PTPRD: variants seen among roughly 807,000 people sequenced by gnomAD.
PTPRD encodes protein tyrosine phosphatase receptor type D.
A neutral mutation model predicts 214.5 loss-of-function variants in PTPRD; 34 were observed. The ratio of observed to expected loss-of-function variants is 0.16; its 90% CI spans 0.12 to 0.21. The LOEUF (loss-of-function observed/expected upper bound fraction) is 0.21, where lower values mean the gene tolerates loss of function less well. Ranked by LOEUF, PTPRD falls within the 10% of genes least tolerant of loss-of-function variation. PTPRD has a pLI of 1.00. For synonymous variants in PTPRD, 1,128 were observed against 845.7 expected (o/e 1.33, Z -5.79); for missense variants, 2,545 against 2,398.7 (o/e 1.06, Z -1.27).
rs1263460359 is a variant in PTPRD at position 10,481,067 on chromosome 9, T to C, written c.-600+131331A>G. Among the ~76,000 whole-genome samples the C allele has an allele frequency of 3.3e-5, 5 of 151,986 alleles. 1 individual carries two copies. The East Asian group carries it at 5.8e-4, about 18-fold the overall frequency. On this transcript the variant is annotated intron_variant, in intron 2 of 45. Transcript: ENST00000381196. ...TTTTTTTAAACAGTTCTGTTTGTTA[T>C]AGATGATCATTAAAAATCTATCCTG...
Position 9,564,884 on chromosome 9 carries a change from G to GTTTTTTTTTTTTTT in PTPRD, c.-237+9834_-237+9847dup, listed in dbSNP as rs1191664969. Among the ~76,000 whole-genome samples the GTTTTTTTTTTTTTT allele has an allele frequency of 1.2e-4, 6 of 48,842 alleles. 2 individuals are homozygous for GTTTTTTTTTTTTTT. Among genetic ancestry groups the GTTTTTTTTTTTTTT allele is most frequent in the Admixed American group, 3.7e-4 (1 of 2,704 alleles). The allele number at this position is 48,842 out of a possible 152,430, so 32.0% of individuals were successfully genotyped here. A position where few individuals can be genotyped will look rare whatever the true frequency, so the allele number is the denominator to read the frequency against. On this transcript the variant is annotated intron_variant, in intron 8 of 45. Coordinates refer to ENST00000381196, the MANE Select transcript of PTPRD (RefSeq NM_002839.4). Reference sequence around the variant, plus strand: ...AACAAAAGAGAGACTTGAATCTTCTGTTTTTTTTTTTTTTTTTTTTTTTTT... The same window carrying GTTTTTTTTTTTTTT: ...AACAAAAGAGAGACTTGAATCTTCTGTTTTTTTTTTTTTTTTTTTTTTTTTTTTTTTTTTTTTTT...
At chr9:8,971,787 A>T (rs913642344) in intron 11 of PTPRD, among the ~76,000 whole-genome samples, 1 of 151,572 alleles carries the variant, frequency 6.6e-6, no homozygotes, top group Middle Eastern at 3.2e-3. Context: ...TCCTGATAAT[A>T]AATCTGAAAA....
At chr9:9,275,396 TCA>T (rs1184212226) in intron 9 of PTPRD, among the ~76,000 whole-genome samples, 1 of 149,720 alleles carries the variant, frequency 6.7e-6, no homozygotes, top group Non-Finnish European at 1.5e-5. Context: ...TCAAAATGGC[TCA>T]GAGTCACCTG....
chr9:8,951,161 G>GTGTGTGTGTA (rs1356654833), intron 11 of PTPRD, among the ~76,000 whole-genome samples: 6 of 150,288 alleles, frequency 4.0e-5, no homozygotes, highest in Admixed American at 6.7e-5. Flanking sequence ...GTGTGTGTAA[G>GTGTGTGTGTA]AGAGAGAGAG....
At chr9:9,518,681 T>G (rs1391946658) in intron 8 of PTPRD, among the ~76,000 whole-genome samples, 1 of 152,016 alleles carries the variant, frequency 6.6e-6, no homozygotes, top group African/African-American at 2.4e-5. Flanking sequence ...CACTTTAAAT[T>G]AAATATGACA....
chr9:9,195,063 T>C (rs1347262007), intron 9 of PTPRD, among the ~76,000 whole-genome samples: 1 of 145,292 alleles, frequency 6.9e-6, no homozygotes, highest in Non-Finnish European at 1.5e-5. Flanking sequence ...TACGAATACA[T>C]ATATACATAT....
chr9:8,727,689 C>G (rs1021873551), intron 12 of PTPRD, among the ~76,000 whole-genome samples: 2 of 152,074 alleles, frequency 1.3e-5, no homozygotes, highest in East Asian at 1.9e-4. Context: ...CAGAGTCTCT[C>G]TCTGTCACAC....
At chr9:8,856,910 C>T (rs1251933818) in intron 11 of PTPRD, among the ~76,000 whole-genome samples, 1 of 152,190 alleles carries the variant, frequency 6.6e-6, no homozygotes, top group Non-Finnish European at 1.5e-5. Flanking sequence ...TACACACCCA[C>T]ATAAAAGCTA....
At chr9:9,460,882 T>C (rs924548619) in intron 8 of PTPRD, among the ~76,000 whole-genome samples, 4 of 152,134 alleles carry the variant, frequency 2.6e-5, no homozygotes, top group Non-Finnish European at 2.9e-5. Flanking sequence ...CTTACGTTTA[T>C]TGCTGCACTA....
chr9:10,492,912 T>C (rs2040815772), intron 2 of PTPRD, among the ~76,000 whole-genome samples: 1 of 152,016 alleles, frequency 6.6e-6, no homozygotes, highest in South Asian at 2.1e-4. Flanking sequence ...GGTCTCAGGA[T>C]ACAAAATCAA....
At chr9:9,681,936 A>T (rs2097081979) in intron 7 of PTPRD, among the ~76,000 whole-genome samples, 1 of 151,846 alleles carries the variant, frequency 6.6e-6, no homozygotes, top group South Asian at 2.1e-4. Flanking sequence ...TGTTATATTT[A>T]TGTCTATTTC....
At chr9:10,108,773 TA>T (rs2098661222) in intron 3 of PTPRD, among the ~76,000 whole-genome samples, 1 of 152,052 alleles carries the variant, frequency 6.6e-6, no homozygotes, top group South Asian at 2.1e-4. Context: ...AAAGGGATAC[TA>T]TTCATCCTTA....
intron 3 of PTPRD, among the ~76,000 whole-genome samples, chr9:10,092,575 A>T (rs940789059): frequency 6.6e-6 from 1 of 151,496 alleles, no homozygotes; most frequent in South Asian, 2.1e-4. Flanking sequence ...CTTTCAAAAT[A>T]CAATGCCACT....
Position 9,351,834 on chromosome 9 carries a change from C to A in PTPRD, c.-203+45615G>T, listed in dbSNP as rs1200759295. On this transcript the variant is annotated intron_variant, in intron 9 of 45. Coordinates refer to ENST00000381196, the MANE Select transcript of PTPRD (RefSeq NM_002839.4). Reference sequence around the variant, plus strand: ...TCATTTTGGACTCATTGTTTAAACTCTCTGTGCCTCCATTTCTGTATCCGT... The same window carrying A: ...TCATTTTGGACTCATTGTTTAAACTATCTGTGCCTCCATTTCTGTATCCGT... 2.0e-5 allele frequency among the ~76,000 whole-genome samples: 3 copies of A among 152,154 alleles called. No individual in the cohort carries two copies. The East Asian group carries it at 5.8e-4, about 30-fold the overall frequency.
intron 11 of PTPRD, among the ~76,000 whole-genome samples, chr9:8,924,139 A>C (rs2098847441): frequency 1.3e-5 from 2 of 151,968 alleles, no homozygotes; most frequent in East Asian, 3.9e-4. Context: ...TAAATCCAGC[A>C]CTCACTCATC....
chr9:8,433,123 C>A lies in PTPRD; in HGVS notation c.4086+3469G>T, dbSNP rs183246616. ...TGCATAATGACATTTCAGTCCACAACAAACCACAAATAAGAGACTGATCCA... is the reference window on the plus strand; with the variant it reads ...TGCATAATGACATTTCAGTCCACAAAAAACCACAAATAAGAGACTGATCCA... On this transcript the variant is annotated intron_variant, in intron 35 of 45. Transcript: ENST00000381196. Among the ~76,000 whole-genome samples the A allele has an allele frequency of 2.9e-3, 443 of 152,248 alleles. 2 individuals carry two copies. Among genetic ancestry groups the A allele is most frequent in the African/African-American group, 9.7e-3 (404 of 41,562 alleles).
intron 9 of PTPRD, among the ~76,000 whole-genome samples, chr9:9,233,456 C>A (rs2099964461): frequency 6.6e-6 from 1 of 152,134 alleles, no homozygotes; most frequent in Non-Finnish European, 1.5e-5. Flanking sequence ...TGCCCCGGGC[C>A]ACTCCCTAAT....
chr9:10,429,171 C>T (rs950117042), intron 2 of PTPRD, among the ~76,000 whole-genome samples: 2 of 151,746 alleles, frequency 1.3e-5, no homozygotes, highest in African/African-American at 4.8e-5. Flanking sequence ...CCAAACTTAA[C>T]ACAGAACATT....
intron 12 of PTPRD, among the ~76,000 whole-genome samples, chr9:8,680,600 T>C (rs1015751722): frequency 4.6e-5 from 7 of 152,302 alleles, no homozygotes; most frequent in Non-Finnish European, 8.8e-5. Flanking sequence ...TACGTACATC[T>C]ATATACTATA....
Sources: gnomAD v4.1 joint callset for allele counts (sites outside exome capture counted in the v4.1 genomes callset) on GRCh38, gnomAD v4.1.1 for gene constraint, MANE v1.5 for transcripts, NCBI Gene and HGNC (gene_info 2026-07-23, HGNC 2026-07-21) for gene names.